The following ARHGAP20 variants were observed in gnomAD, a reference collection of about 807,000 sequenced individuals.
The protein encoded by ARHGAP20 is rho GTPase-activating protein 20.
A neutral mutation model predicts 73.7 loss-of-function variants in ARHGAP20; 34 were observed. The observed-to-expected ratio is 0.46, with a 90% CI of 0.35 to 0.61. ARHGAP20 has a LOEUF of 0.61. Among genes scored for constraint, ARHGAP20 ranks in the 20% least tolerant of loss-of-function variants. The pLI, the probability that ARHGAP20 is intolerant of heterozygous loss-of-function variation, is 0.00. For synonymous variants in ARHGAP20, 523 were observed against 518.2 expected (o/e 1.01, Z -0.13); for missense variants, 1,314 against 1,420.9 (o/e 0.92, Z 1.21).
Position 110,611,325 on chromosome 11 carries a change from G to A in ARHGAP20, c.692C>T (p.Pro231Leu), listed in dbSNP as rs1948361443. The A allele has an allele frequency of 2.6e-6, 4 of 1,560,552 alleles. No homozygotes were observed. The highest frequency in any genetic ancestry group is 1.2e-5 in the South Asian group (1 of 83,572). The change falls in exon 7 of 15, where the codon CCA becomes CTA. Residue 231 changes from proline (P) to leucine (L), a missense_variant. Pro to Leu is a moderately conservative substitution (Grantham distance 98). This residue lies in a region of ARHGAP20 where 443 missense variants were observed against 466.4 expected (regional missense o/e 0.95). Coordinates refer to ENST00000683387, the MANE Select transcript of ARHGAP20 (RefSeq NM_001384657.1). ...ATAACTTACAGTTATCCCTAGCATT[G>A]GTAATGACATGTTGATAACTTCATT... The part of the protein sequence containing the change: ...TANEVINMSL[P>L]MLGITGSERD...
intron 2 of ARHGAP20, among the ~76,000 whole-genome samples, chr11:110,638,751 C>CA (rs199821891): frequency 0.065 from 9,857 of 151,636 alleles, 406 homozygotes; most frequent in Middle Eastern, 0.096. Context: ...ATCGCAAGGA[C>CA]AAAAAACCAA....
chr11:110,609,443 A>T (rs1407174094), intron 7 of ARHGAP20, among the ~76,000 whole-genome samples: 1 of 152,172 alleles, frequency 6.6e-6, no homozygotes, highest in African/African-American at 2.4e-5. Flanking sequence ...TCAAAGGCTG[A>T]TTATTAGCTT....
At position 110,580,819 on chromosome 11, in the gene ARHGAP20, G is replaced by C. The variant is rs1947441032; in HGVS notation, c.2127C>G (p.Asp709Glu). ...GGTAGGAAAGCTTTGAATCCAGATA[G>C]TCGATGCTGGGCTCTGAGCAACGCC... ...RHRRCSEPSI[D>E]YLDSKLSYLR... Residue 709 changes from aspartate (D) to glutamate (E), a missense_variant, in exon 15 of 15, where the codon GAC becomes GAG. Physicochemically the swap from Asp to Glu is conservative, Grantham distance 45. Transcript: ENST00000683387. The C allele has an allele frequency of 6.2e-7, 1 of 1,613,088 alleles. No homozygotes were observed. Among genetic ancestry groups the C allele is most frequent in the Non-Finnish European group, 8.5e-7 (1 of 1,179,716 alleles).
chr11:110,683,755 A>G (rs536956980), intron 2 of ARHGAP20, among the ~76,000 whole-genome samples: 1 of 152,276 alleles, frequency 6.6e-6, no homozygotes, highest in South Asian at 2.1e-4. Flanking sequence ...GAGGAAACTG[A>G]GGCTTGGAGT....
At chr11:110,648,832 A>G (rs1478460656) in intron 2 of ARHGAP20, among the ~76,000 whole-genome samples, 1 of 152,122 alleles carries the variant, frequency 6.6e-6, no homozygotes, top group Non-Finnish European at 1.5e-5. Context: ...CTGAAATAAA[A>G]TATTCTCATG....
chr11:110,685,273 CAG>C (rs1239444081), intron 2 of ARHGAP20, among the ~76,000 whole-genome samples: 1 of 152,068 alleles, frequency 6.6e-6, no homozygotes, highest in Non-Finnish European at 1.5e-5. Context: ...CATATGTGCT[CAG>C]AGTCTTAACA....
intron 7 of ARHGAP20, among the ~76,000 whole-genome samples, chr11:110,610,520 T>C (rs897675439): frequency 2.0e-5 from 3 of 152,168 alleles, no homozygotes; most frequent in Admixed American, 6.5e-5. Context: ...CCTTTAGTTA[T>C]CATCCTTTTG....
chr11:110,681,650 C>T lies in ARHGAP20; in HGVS notation c.188+8897G>A, dbSNP rs150864204. Among the ~76,000 whole-genome samples, 78 of 152,128 alleles carry T rather than the reference C, an allele frequency of 5.1e-4. 1 individual carries two copies. Among genetic ancestry groups the T allele is most frequent in the African/African-American group, 1.8e-3 (75 of 41,490 alleles). ...TACTGAAGTTATGATGCTAACATGA[C>T]AGAGGAAAAAGGAAGTGGAATAATG... On this transcript the variant is annotated intron_variant, in intron 2 of 14. Transcript: ENST00000683387.
In ARHGAP20 at chr11:110,579,611, G is replaced by T; in HGVS notation, c.3335C>A (p.Ser1112Tyr). Residue 1112 changes from serine to tyrosine, a missense_variant, in exon 15 of 15, where the codon TCT becomes TAT. By Grantham distance (144) the Ser-to-Tyr change is moderately radical (BLOSUM62 -2). Coordinates refer to ENST00000683387, the MANE Select transcript of ARHGAP20 (RefSeq NM_001384657.1). ...SPVQSAQRCS[S>Y]SPFQDSERHC... ...TCTCTCTGAGTCCTGGAAGGGAGAA[G>T]AACTACACCTTTGGGCTGACTGCAC... 2 of 1,614,182 alleles carry T rather than the reference G, an allele frequency of 1.2e-6. No homozygotes were observed. The highest frequency in any genetic ancestry group is 2.2e-5 in the South Asian group (2 of 91,082).
At chr11:110,703,407 A>G (rs78873770) in intron 1 of ARHGAP20, among the ~76,000 whole-genome samples, 2,572 of 152,030 alleles carry the variant, frequency 0.017, 52 homozygotes, top group African/African-American at 0.046. Context: ...CTACCACTTA[A>G]TTTCTCAGAT....
At chr11:110,601,874 C>T (rs1235468662) in intron 9 of ARHGAP20, among the ~76,000 whole-genome samples, 1 of 151,796 alleles carries the variant, frequency 6.6e-6, no homozygotes, top group Non-Finnish European at 1.5e-5. Flanking sequence ...CCTGTAATCC[C>T]AGCTATTCGG....
Position 110,580,883 on chromosome 11 carries a change from G to A in ARHGAP20, c.2063C>T (p.Thr688Ile). 2 of 1,613,012 alleles carry A rather than the reference G, an allele frequency of 1.2e-6. No individual in the cohort carries two copies. Among genetic ancestry groups the A allele is most frequent in the Admixed American group, 1.7e-5 (1 of 60,014 alleles). ...SAMCTPSYLS[T>I]AAANAAKSLR... Reference sequence around the variant, plus strand: ...GCTTTTTGCAGCATTTGCTGCAGCTGTGGACAGGTAGCTGGGTGTGCACAT... The same window carrying A: ...GCTTTTTGCAGCATTTGCTGCAGCTATGGACAGGTAGCTGGGTGTGCACAT... Residue 688 changes from threonine (T) to isoleucine (I), a missense_variant, in exon 15 of 15, where the codon ACA becomes ATA. Thr to Ile is a moderately conservative substitution (Grantham distance 89). This residue lies in a region of ARHGAP20 where 641 missense variants were observed against 636.9 expected (regional missense o/e 1.01). Transcript: ENST00000683387.
Position 110,577,155 on chromosome 11 carries a change from G to A in ARHGAP20, c.*2215C>T. 6.5e-7 allele frequency: 1 copy of A among 1,534,448 alleles called. No homozygotes were observed. The highest frequency in any genetic ancestry group is 1.2e-5 in the South Asian group (1 of 83,746). On this transcript the variant is annotated 3_prime_UTR_variant, in exon 15 of 15. Transcript: ENST00000683387. The stretch of plus-strand genomic sequence containing the variant: ...ACTTTAAAAGTTAGCAGCAGTTTCT[G>A]CAAGTACAAAAATACACATTTATTA...
At chr11:110,645,186 T>G (rs1005274384) in intron 2 of ARHGAP20, among the ~76,000 whole-genome samples, 1 of 152,084 alleles carries the variant, frequency 6.6e-6, no homozygotes, top group African/African-American at 2.4e-5. Flanking sequence ...ATTTTTGTAT[T>G]TTTAGTAGAG....
chr11:110,583,299 A>G (rs1201213750), intron 13 of ARHGAP20, among the ~76,000 whole-genome samples: 1 of 152,136 alleles, frequency 6.6e-6, no homozygotes, highest in Admixed American at 6.5e-5. Context: ...AAAAAATCTT[A>G]TCAGCTGCTT....
chr11:110,590,592 C>T (rs1027573005), intron 11 of ARHGAP20, 56 bp downstream of exon 11: 3 of 1,477,174 alleles, frequency 2.0e-6, no homozygotes, highest in South Asian at 1.5e-5. Context: ...AAAAGTAAAA[C>T]ACCCTCTTTC....
intron 2 of ARHGAP20, among the ~76,000 whole-genome samples, chr11:110,682,717 T>C (rs1307755754): frequency 6.6e-6 from 1 of 152,104 alleles, no homozygotes; most frequent in Admixed American, 6.6e-5. Context: ...AAATTATATA[T>C]CTATACATTA....
chr11:110,690,642 C>T lies in ARHGAP20; in HGVS notation c.106-13G>A, dbSNP rs757092905. 1.2e-6 allele frequency: 2 copies of T among 1,612,522 alleles called. No homozygotes were observed. The highest frequency in any genetic ancestry group is 3.3e-5 in the Admixed American group (2 of 59,984). On this transcript the variant is annotated splice_polypyrimidine_tract_variant and intron_variant, in intron 1 of 14. Coordinates refer to ENST00000683387, the MANE Select transcript of ARHGAP20 (RefSeq NM_001384657.1). ...GTGTTTTCATTTTCTGTTGATGAAA[C>T]AAACCAAAATGAAGACCACATGGCT...
At chr11:110,635,891 T>C (rs967307776) in intron 2 of ARHGAP20, among the ~76,000 whole-genome samples, 1 of 151,904 alleles carries the variant, frequency 6.6e-6, no homozygotes, top group African/African-American at 2.4e-5. Flanking sequence ...AAAACAAAAA[T>C]AAAGCTTTCA....
Sources: gnomAD v4.1 joint callset for allele counts (sites outside exome capture counted in the v4.1 genomes callset) on GRCh38, gnomAD v4.1.1 for gene constraint, gnomAD v4.1.1 regional missense constraint, MANE v1.5 for transcripts, NCBI Gene and HGNC (gene_info 2026-07-23, HGNC 2026-07-21) for gene names.